Variants in SLC30A6 observed in about 807,000 individuals in gnomAD.
SLC30A6 encodes solute carrier family 30 member 6.
Under a neutral mutation model 63.0 loss-of-function variants are expected in SLC30A6, and 55 were observed. That is an observed-to-expected ratio of 0.87 (90% CI 0.70 to 1.09). The LOEUF is 1.09. Among genes scored for constraint, SLC30A6 ranks in the 50% least tolerant of loss-of-function variants. The pLI is 0.00. For synonymous variants in SLC30A6, 224 were observed against 186.1 expected, an observed-to-expected ratio of 1.20 and a Z score of -1.66; for missense variants, 587 against 549.2, an observed-to-expected ratio of 1.07 and a Z score of -0.69.
chr2:32,215,651 C>T (rs1685641109), intron 13 of SLC30A6, among the ~76,000 whole-genome samples: 2 of 151,150 alleles, frequency 1.3e-5, no homozygotes, highest in South Asian at 2.1e-4. Flanking sequence ...ATATTGTCAT[C>T]CTTGATACTT....
intron 2 of SLC30A6, 120 bp from the exon 3 acceptor site, chr2:32,173,943 A>C: frequency 1.5e-6 from 1 of 648,526 alleles, no homozygotes; most frequent in Non-Finnish European, 2.5e-6. Flanking sequence ...TGTGACACAG[A>C]CTTTTTGAAG....
chr2:32,215,516 A>ATATATATATATT (rs757005665), intron 13 of SLC30A6, among the ~76,000 whole-genome samples: 3 of 132,504 alleles, frequency 2.3e-5, no homozygotes, highest in African/African-American at 8.5e-5. Flanking sequence ...ATATATATAT[A>ATATATATATATT]TTTTTTTTTT....
intron 5 of SLC30A6, among the ~76,000 whole-genome samples, chr2:32,190,267 T>C (rs1475548647): frequency 6.6e-6 from 1 of 152,058 alleles, no homozygotes; most frequent in Non-Finnish European, 1.5e-5. Flanking sequence ...GAAACCAGCC[T>C]GACCAACATG....
chr2:32,201,118 CTG>C (rs2148874623), intron 10 of SLC30A6, among the ~76,000 whole-genome samples: 1 of 152,220 alleles, frequency 6.6e-6, no homozygotes, highest in East Asian at 1.9e-4. Flanking sequence ...CCATGGTACT[CTG>C]TAGACATTTC....
intron 1 of SLC30A6, among the ~76,000 whole-genome samples, 159 bp downstream of exon 1, chr2:32,166,062 C>T (rs977542561): frequency 5.3e-5 from 8 of 152,336 alleles, no homozygotes; most frequent in Middle Eastern, 3.4e-3. Flanking sequence ...AAAATGTTCC[C>T]CTTCAGAGTT....
At chr2:32,188,548 G>A (rs1213266152) in intron 5 of SLC30A6, among the ~76,000 whole-genome samples, 2 of 151,974 alleles carry the variant, frequency 1.3e-5, no homozygotes, top group East Asian at 1.9e-4. Flanking sequence ...ACAAAAATTC[G>A]CCAGGTGTGG....
At chr2:32,217,073 A>G (rs557861181) in intron 13 of SLC30A6, among the ~76,000 whole-genome samples, 1 of 142,522 alleles carries the variant, frequency 7.0e-6, no homozygotes, top group East Asian at 2.0e-4. Context: ...TTTTTTTTCC[A>G]TTTTTGTAGA....
rs926340049 is a variant in SLC30A6, at chr2:32,219,655, C to T, written c.886-558C>T. On this transcript the variant is annotated intron_variant, in intron 13 of 13. Transcript: ENST00000282587. ...TTCACCATGTTGGCCAGGCTGGTCTCGAACTCCTGACCTCAGGTAATCCAC... is the reference window on the plus strand; with the variant it reads ...TTCACCATGTTGGCCAGGCTGGTCTTGAACTCCTGACCTCAGGTAATCCAC... Among the ~76,000 whole-genome samples the T allele has an allele frequency of 2.0e-4, 30 of 151,968 alleles. 1 individual carries two copies. Among genetic ancestry groups the T allele is most frequent in the Middle Eastern group, 3.4e-3 (1 of 294 alleles).
chr2:32,220,203 C>A lies in SLC30A6; in HGVS notation c.886-10C>A. On this transcript the variant is annotated splice_polypyrimidine_tract_variant and intron_variant, in intron 13 of 13. Transcript: ENST00000282587. ...AAGCAATCTCTTTGTTATGATTTTG[C>A]CCCTTTTAGGCTGGATCAGTGCATG... 1 of 1,596,308 alleles carries A rather than the reference C, an allele frequency of 6.3e-7. No individual in the cohort carries two copies. Among genetic ancestry groups the A allele is most frequent in the Non-Finnish European group, 8.6e-7 (1 of 1,168,034 alleles).
chr2:32,189,635 A>G (rs212747), intron 5 of SLC30A6, among the ~76,000 whole-genome samples: 85,355 of 118,380 alleles, frequency 0.72, 31,046 homozygotes, highest in African/African-American at 0.78. Context: ...TTGAGGCAGA[A>G]TCTAACTCTG....
chr2:32,192,496 C>G, intron 6 of SLC30A6, 80 bp downstream of exon 6: 2 of 1,252,154 alleles, frequency 1.6e-6, no homozygotes, highest in Non-Finnish European at 2.3e-6. Context: ...GACACATTTG[C>G]TTTCAAGGGT....
chr2:32,166,001 A>AG (rs1439393878), intron 1 of SLC30A6, 98 bp downstream of exon 1: 5 of 1,559,480 alleles, frequency 3.2e-6, no homozygotes, highest in Admixed American at 1.7e-5. Flanking sequence ...CACCCAGAGG[A>AG]GGGGTCATTG....
rs1378786786 is a variant in SLC30A6 at position 32,178,334 on chromosome 2, GAA to G, written c.218+2976_218+2977del. Among the ~76,000 whole-genome samples the G allele has an allele frequency of 2.6e-5, 4 of 151,934 alleles. No individual in the cohort carries two copies. The East Asian group carries it at 7.8e-4, about 29-fold the overall frequency. On this transcript the variant is annotated intron_variant, in intron 4 of 13. Coordinates refer to ENST00000282587, the MANE Select transcript of SLC30A6 (RefSeq NM_017964.5). ...ACCAGTTGTCCTATCATCATTTGTT[GAA>G]AAGACTACTTTCCCCATTGAATTGC... is the stretch of plus-strand genomic sequence containing the variant.
At chr2:32,211,721 G>A (rs1325117581) in intron 13 of SLC30A6, among the ~76,000 whole-genome samples, 6 of 151,998 alleles carry the variant, frequency 3.9e-5, no homozygotes, top group African/African-American at 7.2e-5. Flanking sequence ...GGGTTCAAGC[G>A]ATTCTCCTGC....
chr2:32,177,472 A>G (rs1681863049), intron 4 of SLC30A6: 1 of 242,540 alleles, frequency 4.1e-6, no homozygotes, highest in Non-Finnish European at 8.6e-6. Flanking sequence ...TTGTATTTTT[A>G]TTAGAGACGG....
Position 32,193,908 on chromosome 2 carries a change from A to G in SLC30A6, c.421A>G (p.Thr141Ala). 1 of 1,613,280 alleles carries G rather than the reference A, an allele frequency of 6.2e-7. No homozygotes were observed. Among genetic ancestry groups the G allele is most frequent in the Admixed American group, 1.7e-5 (1 of 59,958 alleles). ...EIHTGRLLVGTFVALCFNLFT... is the reference protein window; with the variant it reads ...EIHTGRLLVGAFVALCFNLFT... ...TTTTAGGGGAAGATTATTAGTTGGT[A>G]CTTTTGTGGCTCTTTGTTTCAACCT... is the stretch of plus-strand genomic sequence containing the variant. Residue 141 changes from threonine (T) to alanine (A), a missense_variant, in exon 8 of 14, where the codon ACT becomes GCT. Physicochemically the swap from Thr to Ala is moderately conservative, Grantham distance 58. Coordinates refer to ENST00000282587, the MANE Select transcript of SLC30A6 (RefSeq NM_017964.5).
rs1160713247 is a variant in SLC30A6 at position 32,204,819 on chromosome 2, T to TTC, written c.768+128_768+129insCT. 8 of 321,990 alleles carry TTC rather than the reference T, an allele frequency of 2.5e-5. No individual in the cohort carries two copies. In the East Asian group the frequency reaches 5.5e-4, roughly 22 times the overall value. The allele number at this position is 321,990 out of a possible 1,614,324, so 19.9% of individuals were successfully genotyped here. On this transcript the variant is annotated intron_variant, in intron 11 of 13. Coordinates refer to ENST00000282587, the MANE Select transcript of SLC30A6 (RefSeq NM_017964.5). ...TTTATTTTTTAATTTTAATTTTTTT[T>TTC]TTTTTTTTTTTAGAGACAGGTCCTT...
intron 13 of SLC30A6, among the ~76,000 whole-genome samples, chr2:32,219,265 G>A (rs116787227): frequency 4.9e-4 from 74 of 149,844 alleles, no homozygotes; most frequent in African/African-American, 1.6e-3. Flanking sequence ...AACTCCTGAC[G>A]TCAGGGGTGA....
chr2:32,216,100 G>T (rs1685680484), intron 13 of SLC30A6, among the ~76,000 whole-genome samples: 1 of 152,160 alleles, frequency 6.6e-6, no homozygotes, highest in African/African-American at 2.4e-5. Flanking sequence ...GGGTCAAATG[G>T]TAGTTCTGTT....
Sources: allele counts gnomAD v4.1 joint callset (sites outside exome capture counted in the v4.1 genomes callset), GRCh38; gene constraint gnomAD v4.1.1; transcripts MANE v1.5; gene names NCBI Gene and HGNC (gene_info 2026-07-23, HGNC 2026-07-21).